Variants in PDE4D observed in about 807,000 individuals in gnomAD.
PDE4D encodes 3',5'-cyclic-AMP phosphodiesterase 4D.
In PDE4D, 24 loss-of-function variants were observed where a neutral mutation model predicts 87.4. The ratio of observed to expected loss-of-function variants is 0.27; its 90% CI spans 0.20 to 0.39. The LOEUF is 0.39. PDE4D is among the 10% of genes least tolerant of loss of function. The pLI is 1.00. For synonymous variants in PDE4D, 384 were observed against 383.2 expected, an observed-to-expected ratio of 1.00 and a Z score of -0.02; for missense variants, 714 against 1,041.0, an observed-to-expected ratio of 0.69 and a Z score of 4.32.
At chr5:59,377,997 C>G (rs1785019846) in intron 1 of PDE4D, among the ~76,000 whole-genome samples, 2 of 152,066 alleles carry the variant, frequency 1.3e-5, no homozygotes, top group Non-Finnish European at 2.9e-5. Context: ...CATTGCAGCA[C>G]TATTCACAAT....
At chr5:59,860,960 G>C (rs1325325327) in intron 1 of PDE4D, among the ~76,000 whole-genome samples, 2 of 151,782 alleles carry the variant, frequency 1.3e-5, no homozygotes, top group East Asian at 1.9e-4. Context: ...CCGGGTTCAA[G>C]CGATTCTCCT....
intron 1 of PDE4D, among the ~76,000 whole-genome samples, chr5:59,385,580 C>G (rs1464077611): frequency 6.6e-6 from 1 of 152,136 alleles, no homozygotes; most frequent in Non-Finnish European, 1.5e-5. Flanking sequence ...TTGAAATGCA[C>G]TGCCCAGAAT....
At chr5:60,302,653 T>C (rs751085644) in intron 1 of PDE4D, among the ~76,000 whole-genome samples, 3 of 152,198 alleles carry the variant, frequency 2.0e-5, no homozygotes, top group Non-Finnish European at 4.4e-5. Flanking sequence ...GATTTTTTTG[T>C]GTCTCTATCC....
chr5:59,804,433 C>G (rs1767510804), intron 1 of PDE4D, among the ~76,000 whole-genome samples: 2 of 152,214 alleles, frequency 1.3e-5, no homozygotes, highest in East Asian at 1.9e-4. Context: ...CGATGGGCAA[C>G]AAGTTTGGTT....
rs570735883 is a variant in PDE4D, at chr5:60,429,758, T to C, written c.-90+58184A>G. The C allele has an allele frequency of 1.0e-4, 28 of 269,584 alleles. No individual in the cohort carries two copies. The South Asian group carries it at 1.1e-3, about 10-fold the overall frequency. 16.7% of individuals were successfully genotyped at this position (269,584 alleles called of 1,614,324 possible). A position where few individuals can be genotyped will look rare whatever the true frequency, so the allele number is the denominator to read the frequency against. ...GTTTTTATTCCGTTCATGTGGTGAA[T>C]CACATTTATTGATTTGCATATGTTG... On this transcript the variant is annotated intron_variant, in intron 1 of 16. Transcript: ENST00000502484.
intron 2 of PDE4D, among the ~76,000 whole-genome samples, chr5:60,028,433 T>C (rs1036032899): frequency 1.3e-5 from 2 of 152,202 alleles, no homozygotes; most frequent in South Asian, 4.1e-4. Flanking sequence ...CCTGGGTCTG[T>C]CTGCCCTCAT....
chr5:60,264,726 T>C (rs1750007049), intron 1 of PDE4D, among the ~76,000 whole-genome samples: 1 of 152,196 alleles, frequency 6.6e-6, no homozygotes, highest in Non-Finnish European at 1.5e-5. Flanking sequence ...TCTCTTTGGC[T>C]TGCTTGGGAC....
chr5:59,060,126 T>C (rs1288416353), intron 5 of PDE4D, among the ~76,000 whole-genome samples: 1 of 152,166 alleles, frequency 6.6e-6, no homozygotes, highest in African/African-American at 2.4e-5. Flanking sequence ...TTTATTGTTT[T>C]CTCTTTCCTA....
At chr5:59,609,260 AGG>A (rs1828651348) in intron 1 of PDE4D, among the ~76,000 whole-genome samples, 1 of 151,960 alleles carries the variant, frequency 6.6e-6, no homozygotes, top group Non-Finnish European at 1.5e-5. Context: ...TCCCTCTTTA[AGG>A]CACATGGCAA....
chr5:60,133,652 C>T (rs1779784364), intron 2 of PDE4D, among the ~76,000 whole-genome samples: 1 of 152,218 alleles, frequency 6.6e-6, no homozygotes, highest in African/African-American at 2.4e-5. Flanking sequence ...TATACTACAA[C>T]ATCCTCAATA....
intron 1 of PDE4D, among the ~76,000 whole-genome samples, chr5:60,340,790 AAATAAT>A (rs942687089): frequency 1.3e-5 from 2 of 152,164 alleles, no homozygotes; most frequent in African/African-American, 4.8e-5. Context: ...ATATAAAGAC[AAATAAT>A]AATAATATGG....
intron 1 of PDE4D, among the ~76,000 whole-genome samples, chr5:59,289,637 A>T (rs1300483766): frequency 6.6e-6 from 1 of 152,074 alleles, no homozygotes. Flanking sequence ...CAAGATAAGG[A>T]TGCCCACTTT....
chr5:59,425,074 T>C (rs1480032542), intron 1 of PDE4D, among the ~76,000 whole-genome samples: 1 of 152,174 alleles, frequency 6.6e-6, no homozygotes, highest in East Asian at 1.9e-4. Context: ...TAATAAGCCC[T>C]GAAAATGCAG....
At chr5:60,503,588 G>A (rs985367696) in intron 1 of PDE4D, among the ~76,000 whole-genome samples, 6 of 152,056 alleles carry the variant, frequency 3.9e-5, no homozygotes, top group South Asian at 2.1e-4. Context: ...CTATGGAAAC[G>A]TAAGGTTGTT....
At chr5:59,716,640 T>A (rs1755073249) in intron 1 of PDE4D, among the ~76,000 whole-genome samples, 1 of 152,194 alleles carries the variant, frequency 6.6e-6, no homozygotes. Flanking sequence ...ATGACAAGAA[T>A]ATTCACAGTA....
At chr5:60,157,427 A>G (rs1273541431) in intron 2 of PDE4D, among the ~76,000 whole-genome samples, 2 of 152,182 alleles carry the variant, frequency 1.3e-5, no homozygotes, top group African/African-American at 2.4e-5. Context: ...ACAGTCTACA[A>G]ACAAACTACT....
At position 59,603,100 on chromosome 5, in the gene PDE4D, T is replaced by C. The variant is rs527364888; in HGVS notation, c.455+290068A>G. Among the ~76,000 whole-genome samples, 29 of 151,974 alleles carry C rather than the reference T, an allele frequency of 1.9e-4. 1 individual carries two copies. In the South Asian group the frequency reaches 5.4e-3, roughly 28 times the overall value. ...AGCTATATGACACTGATTTAGGCAA[T>C]GATTTTTTGAACATGACTCCAAAAC... On this transcript the variant is annotated intron_variant, in intron 1 of 14. Coordinates refer to ENST00000340635, the MANE Select transcript of PDE4D (RefSeq NM_001104631.2).
intron 5 of PDE4D, among the ~76,000 whole-genome samples, chr5:59,076,467 T>A (rs997508651): frequency 2.6e-5 from 4 of 152,104 alleles, no homozygotes; most frequent in African/African-American, 9.7e-5. Context: ...GAAAAAATAG[T>A]TAATGCCATA....
chr5:59,074,358 A>C (rs1486101093), intron 5 of PDE4D, among the ~76,000 whole-genome samples: 1 of 152,188 alleles, frequency 6.6e-6, no homozygotes, highest in Non-Finnish European at 1.5e-5. Flanking sequence ...AGAAAAGTTG[A>C]AAATATAAAA....
Sources: allele counts gnomAD v4.1 joint callset (sites outside exome capture counted in the v4.1 genomes callset), GRCh38; gene constraint gnomAD v4.1.1; transcripts MANE v1.5; gene names NCBI Gene and HGNC (gene_info 2026-07-23, HGNC 2026-07-21).